The following GZMK variants were observed in gnomAD, a reference collection of about 807,000 sequenced individuals.
GZMK encodes the protein granzyme K, also known as NK-Tryp-2.
In GZMK, 18 loss-of-function variants were observed where a neutral mutation model predicts 22.8. The ratio of observed to expected loss-of-function variants is 0.79; its 90% CI spans 0.54 to 1.17. The LOEUF is 1.17. Among genes scored for constraint, GZMK ranks in the 50% most tolerant of loss-of-function variants. The probability of loss-of-function intolerance (pLI) is 0.00; values close to 1 mark genes in which losing one functional copy is unlikely to be tolerated. For synonymous variants in GZMK, 136 were observed against 115.0 expected (o/e 1.18, Z -1.17); for missense variants, 342 against 320.2 (o/e 1.07, Z -0.52).
In GZMK at chr5:55,031,620, A is replaced by G. The variant is rs140185452; in HGVS notation, c.620A>G (p.Lys207Arg). Reference sequence around the variant, plus strand: ...TGTGCAGGAGATGCCAAAGGCCAGAAGGATTCCTGTAAGGTAAGAATCTCT... The same window carrying G: ...TGTGCAGGAGATGCCAAAGGCCAGAGGGATTCCTGTAAGGTAAGAATCTCT... ...MVCAGDAKGQ[K>R]DSCKGDSGGP... The change falls in exon 4 of 5, where the codon AAG becomes AGG. Residue 207 changes from lysine (K) to arginine (R), a missense_variant. Coordinates refer to ENST00000231009, the MANE Select transcript of GZMK (RefSeq NM_002104.3). 20 of 1,613,112 alleles carry G rather than the reference A, an allele frequency of 1.2e-5. No homozygotes were observed. In the African/African-American group the frequency reaches 2.3e-4, roughly 18 times the overall value.
At chr5:55,030,071 C>T (rs569546508) in intron 2 of GZMK, among the ~76,000 whole-genome samples, 2 of 152,170 alleles carry the variant, frequency 1.3e-5, no homozygotes, top group Non-Finnish European at 2.9e-5. Flanking sequence ...AAATCTCAAA[C>T]TACAAACTCA....
In GZMK at chr5:55,031,404, T is replaced by G; in HGVS notation, c.404T>G (p.Leu135Arg). 6.2e-7 allele frequency: 1 copy of G among 1,613,460 alleles called. No homozygotes were observed. The highest frequency in any genetic ancestry group is 8.5e-7 in the Non-Finnish European group (1 of 1,179,406). ...AAACTCAATAAACATGTCAAGATGC[T>G]CCACATAAGATCCAAAACCTCTCTT... ...AAKLNKHVKM[L>R]HIRSKTSLRS... Residue 135 changes from leucine to arginine, a missense_variant, in exon 4 of 5, where the codon CTC (leucine) becomes CGC (arginine). Transcript: ENST00000231009.
intron 1 of GZMK, 83 bp downstream of exon 1, chr5:55,024,469 C>T (rs923584940): frequency 1.2e-6 from 1 of 817,700 alleles, no homozygotes; most frequent in African/African-American, 1.7e-5. Flanking sequence ...AAATTATTTT[C>T]ACAATCATTC....
chr5:55,024,685 G>A lies in GZMK; in HGVS notation c.90G>A (p.Gly30=). The A allele has an allele frequency of 6.2e-7, 1 of 1,609,006 alleles. No homozygotes were observed. The highest frequency in any genetic ancestry group is 8.5e-7 in the Non-Finnish European group (1 of 1,175,884). ...HVCFNMEIIG[G]KEVSPHSRPF... is the part of the protein sequence containing the mutation. ...GTTTCAATATGGAAATTATTGGAGGGAAAGAAGTGTCACCTCATTCCAGGC... is the reference window on the plus strand; with the variant it reads ...GTTTCAATATGGAAATTATTGGAGGAAAAGAAGTGTCACCTCATTCCAGGC... The change falls in exon 2 of 5, where the codon GGG becomes GGA. Residue 30 remains glycine, a synonymous_variant. Coordinates refer to ENST00000231009, the MANE Select transcript of GZMK (RefSeq NM_002104.3).
In GZMK at chr5:55,033,818, TG is replaced by T; in HGVS notation, c.689del (p.Gly230GlufsTer17). 6.2e-7 allele frequency: 1 copy of T among 1,614,006 alleles called. No homozygotes were observed. The highest frequency in any genetic ancestry group is 2.2e-5 in the East Asian group (1 of 44,884). On this transcript the variant is annotated frameshift_variant, in exon 5 of 5. Coordinates refer to ENST00000231009, the MANE Select transcript of GZMK (RefSeq NM_002104.3). LOFTEE classifies it low-confidence loss of function (END_TRUNC). ...AAGGTGTCTTCCACGCTATAGTCTCTGGAGGTCATGAATGTGGTGTTGCCAC... is the reference window on the plus strand; with the variant it reads ...AAGGTGTCTTCCACGCTATAGTCTCTGAGGTCATGAATGTGGTGTTGCCAC... ...CKGVFHAIVS[G>X]GHECGVATKP...
intron 2 of GZMK, 59 bp from the exon 3 acceptor site, chr5:55,030,375 C>G: frequency 6.6e-7 from 1 of 1,518,598 alleles, no homozygotes; most frequent in Non-Finnish European, 9.1e-7. Flanking sequence ...ACCATCACCA[C>G]TCCCCACTGG....
At chr5:55,032,751 G>C (rs1423367186) in intron 4 of GZMK, 1 of 151,972 alleles carries the variant, frequency 6.6e-6, no homozygotes, top group African/African-American at 2.4e-5. Flanking sequence ...AAAGGAACAA[G>C]AGTCATTATG....
Position 55,033,857 on chromosome 5 carries a change from C to T in GZMK, c.726C>T (p.Ile242=). ...HECGVATKPG[I]YTLLTKKYQT... ...GTGGTGTTGCCACAAAGCCTGGAAT[C>T]TACACCCTGTTAACCAAGAAATACC... Residue 242 remains isoleucine (I), a synonymous_variant, in exon 5 of 5, where the codon ATC becomes ATT. Coordinates refer to ENST00000231009, the MANE Select transcript of GZMK (RefSeq NM_002104.3). 6.2e-7 allele frequency: 1 copy of T among 1,613,680 alleles called. No individual in the cohort carries two copies. The highest frequency in any genetic ancestry group is 1.1e-5 in the South Asian group (1 of 91,078).
In GZMK at chr5:55,030,445, G is replaced by T. The variant is rs1333693090; in HGVS notation, c.224G>T (p.Gly75Val). 9.9e-6 allele frequency: 16 copies of T among 1,612,660 alleles called. No homozygotes were observed. The highest frequency in any genetic ancestry group is 1.4e-5 in the Non-Finnish European group (16 of 1,179,686). Residue 75 changes from glycine to valine, a missense_variant, in exon 3 of 5, where the codon GGC becomes GTC. Transcript: ENST00000231009. ...TTTGCTTTTTTTAGGTTTACCAAAG[G>T]CCAGTCTCCCACTGTGGTTTTAGGC... ...AAHCQYRFTK[G>V]QSPTVVLGAH...
chr5:55,029,618 C>T (rs1342565622), intron 2 of GZMK, among the ~76,000 whole-genome samples: 1 of 152,166 alleles, frequency 6.6e-6, no homozygotes, highest in Non-Finnish European at 1.5e-5. Context: ...GGCTGTGACA[C>T]TTCAGCCTCC....
chr5:55,028,899 G>A (rs1741176741), intron 2 of GZMK, among the ~76,000 whole-genome samples: 1 of 152,158 alleles, frequency 6.6e-6, no homozygotes, highest in African/African-American at 2.4e-5. Flanking sequence ...TTGTGGCACT[G>A]TTGAAACACT....
chr5:55,033,640 C>T, intron 4 of GZMK, 125 bp from the exon 5 acceptor site: 1 of 668,028 alleles, frequency 1.5e-6, no homozygotes, highest in Non-Finnish European at 2.5e-6. Flanking sequence ...GTCAGACACT[C>T]TTCTGGACAT....
intron 4 of GZMK, chr5:55,032,858 A>AT (rs1426882640): frequency 6.6e-6 from 1 of 152,222 alleles, no homozygotes; most frequent in Non-Finnish European, 1.5e-5. Flanking sequence ...TGAATTACTA[A>AT]TTTTTTAAAA....
In GZMK at chr5:55,024,362, G is replaced by A; in HGVS notation, c.40G>A (p.Val14Ile). The change falls in exon 1 of 5, where the codon GTT becomes ATT. Residue 14 changes from valine (V) to isoleucine (I), a missense_variant. Physicochemically the swap from Val to Ile is conservative, Grantham distance 29 (BLOSUM62 3). Coordinates refer to ENST00000231009, the MANE Select transcript of GZMK (RefSeq NM_002104.3). Reference protein sequence around the residue: ...FSSFSLFFLIVGAYMTHVCFN... With the variant: ...FSSFSLFFLIIGAYMTHVCFN... ...TTCCTTTTCTCTGTTTTTCCTAATA[G>A]TTGGGGCTTATATGACTCATGTGTG... 1 of 1,493,870 alleles carries A rather than the reference G, an allele frequency of 6.7e-7. No individual in the cohort carries two copies. The allele number at this position is 1,493,870 out of a possible 1,614,324, so 92.5% of individuals were successfully genotyped here.
At chr5:55,027,670 T>G (rs1236967045) in intron 2 of GZMK, 2 of 152,248 alleles carry the variant, frequency 1.3e-5, no homozygotes, top group Admixed American at 1.3e-4. Flanking sequence ...AAGGTTATTG[T>G]TAGGCTCAAT....
chr5:55,032,331 A>G (rs898909903), intron 4 of GZMK: 1 of 152,180 alleles, frequency 6.6e-6, no homozygotes, highest in Non-Finnish European at 1.5e-5. Context: ...CCATGACCTA[A>G]TCACTTCCCA....
chr5:55,029,820 G>A (rs1164949124), intron 2 of GZMK, among the ~76,000 whole-genome samples: 2 of 152,134 alleles, frequency 1.3e-5, no homozygotes, highest in African/African-American at 2.4e-5. Flanking sequence ...TCTCCCAAGT[G>A]GCTGGGATTA....
intron 2 of GZMK, 86 bp downstream of exon 2, chr5:55,024,893 T>C (rs1038658849): frequency 7.5e-6 from 6 of 799,536 alleles, no homozygotes; most frequent in Non-Finnish European, 1.1e-5. Context: ...TGAATGAGAA[T>C]TTGATCTACT....
At chr5:55,028,491 T>C (rs1027171027) in intron 2 of GZMK, 1 of 152,174 alleles carries the variant, frequency 6.6e-6, no homozygotes, top group Non-Finnish European at 1.5e-5. Flanking sequence ...AACCAAAAAG[T>C]GGTCATTCCA....
Sources: gnomAD v4.1 joint callset for allele counts (sites outside exome capture counted in the v4.1 genomes callset) on GRCh38, gnomAD v4.1.1 for gene constraint, MANE v1.5 for transcripts, NCBI Gene and HGNC (gene_info 2026-07-23, HGNC 2026-07-21) for gene names.